Variants in PPP1R12B observed in about 807,000 individuals in gnomAD.
PPP1R12B encodes protein phosphatase 1 regulatory subunit 12B.
In PPP1R12B, 76 loss-of-function variants were observed where a neutral mutation model predicts 126.1. The ratio of observed to expected loss-of-function variants is 0.60; its 90% CI spans 0.50 to 0.73. PPP1R12B has a LOEUF of 0.73. PPP1R12B is among the 30% of genes least tolerant of loss of function. PPP1R12B has a pLI of 0.00. For synonymous variants in PPP1R12B, 356 were observed against 434.7 expected (o/e 0.82, Z 2.25); for missense variants, 1,052 against 1,205.1 (o/e 0.87, Z 1.88).
At chr1:202,502,651 G>A in intron 18 of PPP1R12B, 2 of 218,868 alleles carry the variant, frequency 9.1e-6, no homozygotes, top group Non-Finnish European at 1.5e-5. Context: ...TATGTTAAAA[G>A]GTGATACGTG....
At chr1:202,566,401 AGTT>A (rs1454019400) in intron 21 of PPP1R12B, among the ~76,000 whole-genome samples, 1 of 152,214 alleles carries the variant, frequency 6.6e-6, no homozygotes, top group East Asian at 1.9e-4. Context: ...CCAAAAATGG[AGTT>A]GTTTGGCAGG....
intron 18 of PPP1R12B, among the ~76,000 whole-genome samples, chr1:202,548,954 C>T (rs2148980742): frequency 6.6e-6 from 1 of 151,800 alleles, no homozygotes; most frequent in South Asian, 2.1e-4. Flanking sequence ...CCCTTCCCTG[C>T]CAAAACCAAG....
intron 1 of PPP1R12B, among the ~76,000 whole-genome samples, chr1:202,374,991 G>A (rs183131749): frequency 2.0e-5 from 3 of 152,114 alleles, no homozygotes; most frequent in Middle Eastern, 3.4e-3. Flanking sequence ...CGCCCAGGCC[G>A]AAGTGAGATG....
chr1:202,438,980 C>A, intron 10 of PPP1R12B: 2 of 1,513,866 alleles, frequency 1.3e-6, no homozygotes, highest in South Asian at 1.1e-5. Context: ...AGGGCAGGAG[C>A]GCATGGCCCT....
chr1:202,389,371 G>A (rs1368344289), intron 1 of PPP1R12B, among the ~76,000 whole-genome samples: 2 of 152,190 alleles, frequency 1.3e-5, no homozygotes, highest in African/African-American at 4.8e-5. Context: ...CCGGCCGGGC[G>A]CGGTGGCTCA....
intron 18 of PPP1R12B, among the ~76,000 whole-genome samples, chr1:202,541,646 A>T (rs1287672282): frequency 5.3e-5 from 8 of 152,160 alleles, no homozygotes; most frequent in Admixed American, 2.0e-4. Flanking sequence ...AGATCCCCTT[A>T]TTAATGTCTC....
At chr1:202,359,200 A>C (rs918257042) in intron 1 of PPP1R12B, among the ~76,000 whole-genome samples, 2 of 151,472 alleles carry the variant, frequency 1.3e-5, no homozygotes, top group African/African-American at 2.4e-5. Context: ...GCTGGAGTGC[A>C]GTGGTGCGAT....
At chr1:202,527,635 A>G (rs545585352) in intron 18 of PPP1R12B, among the ~76,000 whole-genome samples, 1 of 152,322 alleles carries the variant, frequency 6.6e-6, no homozygotes, top group South Asian at 2.1e-4. Flanking sequence ...AGAAATGGCA[A>G]AACAAAGAAG....
At chr1:202,395,329 T>C (rs1284736593) in intron 1 of PPP1R12B, among the ~76,000 whole-genome samples, 1 of 152,114 alleles carries the variant, frequency 6.6e-6, no homozygotes, top group Non-Finnish European at 1.5e-5. Flanking sequence ...TTCCCCATTG[T>C]CACTTCCTGA....
In PPP1R12B at chr1:202,422,618, A is replaced by G; in HGVS notation, c.423-2A>G. On this transcript the variant is annotated splice_acceptor_variant, in intron 2 of 23. Transcript: ENST00000608999. LOFTEE classifies it high-confidence loss of function. ...TATTGATCCTGGATCTTGTCTACGC[A>G]GGTATTTCATTAATCACGGAGCCAG... 1 of 1,612,818 alleles carries G rather than the reference A, an allele frequency of 6.2e-7. No individual in the cohort carries two copies. The highest frequency in any genetic ancestry group is 8.5e-7 in the Non-Finnish European group (1 of 1,178,884).
chr1:202,391,370 CAAAT>C (rs1293732719), intron 1 of PPP1R12B, among the ~76,000 whole-genome samples: 2 of 152,014 alleles, frequency 1.3e-5, no homozygotes. Context: ...ACCAAAAAGT[CAAAT>C]AATGACAAGT....
rs1011441942 is a variant in PPP1R12B, at chr1:202,564,380, C to T, written c.2653-63C>T. The T allele has an allele frequency of 9.6e-5, 120 of 1,245,786 alleles. 1 individual carries two copies. The highest frequency in any genetic ancestry group is 1.3e-4 in the Non-Finnish European group (113 of 866,444). 77.2% of individuals were successfully genotyped at this position (1,245,786 alleles called of 1,614,324 possible). ...TGGGGCACAGAGCCCTGGGCATTCTCATGTGATGAAATGGTGTGAGTTCTA... is the reference window on the plus strand; with the variant it reads ...TGGGGCACAGAGCCCTGGGCATTCTTATGTGATGAAATGGTGTGAGTTCTA... On this transcript the variant is annotated intron_variant, in intron 20 of 23. Coordinates refer to ENST00000608999, the MANE Select transcript of PPP1R12B (RefSeq NM_002481.4).
intron 1 of PPP1R12B, among the ~76,000 whole-genome samples, chr1:202,353,234 T>A (rs1656365816): frequency 6.6e-6 from 1 of 152,212 alleles, no homozygotes; most frequent in South Asian, 2.1e-4. Context: ...TTTAACCTTT[T>A]CTCTTTTATT....
intron 1 of PPP1R12B, among the ~76,000 whole-genome samples, chr1:202,371,481 AGTGTGTGTGT>A (rs373210842): frequency 6.7e-6 from 1 of 148,428 alleles, no homozygotes; most frequent in African/African-American, 2.5e-5. Context: ...CATTATTTGG[AGTGTGTGTGT>A]GTGTGTGTGT....
intron 13 of PPP1R12B, among the ~76,000 whole-genome samples, chr1:202,482,040 G>A (rs1677456008): frequency 6.6e-6 from 1 of 151,238 alleles, no homozygotes; most frequent in South Asian, 2.1e-4. Flanking sequence ...TATCCTCCAG[G>A]TTCATCTGTG....
intron 11 of PPP1R12B, among the ~76,000 whole-genome samples, chr1:202,441,868 T>G (rs931073322): frequency 6.6e-6 from 1 of 152,140 alleles, no homozygotes; most frequent in Non-Finnish European, 1.5e-5. Flanking sequence ...TCTTTATTTT[T>G]TTTTTTGAGA....
chr1:202,455,858 A>G (rs556842459), intron 13 of PPP1R12B, among the ~76,000 whole-genome samples: 195 of 152,338 alleles, frequency 1.3e-3, no homozygotes, highest in Non-Finnish European at 2.1e-3. Context: ...GAATTGGATG[A>G]GGAAAAATAC....
At chr1:202,464,811 G>A (rs1473135253) in intron 13 of PPP1R12B, among the ~76,000 whole-genome samples, 2 of 152,134 alleles carry the variant, frequency 1.3e-5, no homozygotes, top group Non-Finnish European at 2.9e-5. Flanking sequence ...GATAAAAAAG[G>A]GACATGCCCA....
At chr1:202,428,748 A>G in intron 5 of PPP1R12B, 107 bp from the exon 6 acceptor site, 1 of 910,634 alleles carries the variant, frequency 1.1e-6, no homozygotes, top group Non-Finnish European at 1.7e-6. Context: ...AGCAGCTATT[A>G]TTGGAGTCAA....
Sources: gnomAD v4.1 joint callset for allele counts (sites outside exome capture counted in the v4.1 genomes callset) on GRCh38, gnomAD v4.1.1 for gene constraint, MANE v1.5 for transcripts, NCBI Gene and HGNC (gene_info 2026-07-23, HGNC 2026-07-21) for gene names.